Variants in SNTG2 observed in about 807,000 individuals in gnomAD.
The protein encoded by SNTG2 is gamma-2-syntrophin.
In SNTG2, 74 loss-of-function variants were observed where a neutral mutation model predicts 70.9. The ratio of observed to expected loss-of-function variants is 1.04; its 90% CI spans 0.86 to 1.27. The LOEUF (loss-of-function observed/expected upper bound fraction) is 1.27, where lower values mean the gene tolerates loss of function less well. Among genes scored for constraint, SNTG2 ranks in the 50% most tolerant of loss-of-function variants. The pLI, the probability that SNTG2 is intolerant of heterozygous loss-of-function variation, is 0.00. For synonymous variants in SNTG2, 278 were observed against 273.8 expected, an observed-to-expected ratio of 1.02 and a Z score of -0.15; for missense variants, 717 against 690.7, an observed-to-expected ratio of 1.04 and a Z score of -0.43.
At chr2:1,173,229 A>G in intron 8 of SNTG2, 46 bp downstream of exon 8, 1 of 1,496,194 alleles carries the variant, frequency 6.7e-7, no homozygotes. Context: ...CAGAAATATC[A>G]GTAGCCCAGA....
chr2:1,182,235 C>T (rs1666587510), intron 8 of SNTG2, among the ~76,000 whole-genome samples: 1 of 152,136 alleles, frequency 6.6e-6, no homozygotes, highest in Admixed American at 6.5e-5. Flanking sequence ...AGCTCTGCCC[C>T]TGCAAGTCTA....
chr2:994,418 C>G (rs1165388285), intron 1 of SNTG2, among the ~76,000 whole-genome samples: 2 of 152,046 alleles, frequency 1.3e-5, no homozygotes, highest in African/African-American at 4.8e-5. Flanking sequence ...CAGCACTGTA[C>G]TGCCTTGATT....
At chr2:1,204,482 T>C (rs1572718685) in intron 8 of SNTG2, among the ~76,000 whole-genome samples, 1 of 152,358 alleles carries the variant, frequency 6.6e-6, no homozygotes, top group South Asian at 2.1e-4. Flanking sequence ...TCAGTTTCAG[T>C]TACCTACAAT....
chr2:1,060,057 C>T (rs1354165102), intron 1 of SNTG2, among the ~76,000 whole-genome samples: 1 of 151,952 alleles, frequency 6.6e-6, no homozygotes, highest in Non-Finnish European at 1.5e-5. Context: ...TTATCCCTAC[C>T]TTACATCATA....
At chr2:1,034,902 A>G (rs1661048591) in intron 1 of SNTG2, among the ~76,000 whole-genome samples, 1 of 152,216 alleles carries the variant, frequency 6.6e-6, no homozygotes, top group Admixed American at 6.5e-5. Flanking sequence ...CCACCCAACC[A>G]CAATAGAATA....
intron 1 of SNTG2, among the ~76,000 whole-genome samples, chr2:1,026,966 G>A (rs1403636259): frequency 6.6e-6 from 1 of 152,202 alleles, no homozygotes; most frequent in Non-Finnish European, 1.5e-5. Context: ...AGCAGACAGA[G>A]TGGTTCTTCC....
chr2:1,283,326 G>C (rs972493695), intron 14 of SNTG2, among the ~76,000 whole-genome samples: 3 of 152,168 alleles, frequency 2.0e-5, no homozygotes, highest in Non-Finnish European at 4.4e-5. Context: ...GGCTGCTTGG[G>C]ACCGGGGTGC....
chr2:1,086,749 T>G (rs1420593546), intron 2 of SNTG2, among the ~76,000 whole-genome samples: 4 of 152,204 alleles, frequency 2.6e-5, no homozygotes, highest in Non-Finnish European at 5.9e-5. Context: ...TATAAAGTAC[T>G]TGGATTTATT....
At chr2:1,293,887 G>A (rs1364687152) in intron 14 of SNTG2, among the ~76,000 whole-genome samples, 1 of 152,154 alleles carries the variant, frequency 6.6e-6, no homozygotes, top group Non-Finnish European at 1.5e-5. Context: ...CTTTGATGCT[G>A]TAATAGTGCC....
chr2:1,029,543 C>T (rs1660694615), intron 1 of SNTG2, among the ~76,000 whole-genome samples: 1 of 152,232 alleles, frequency 6.6e-6, no homozygotes, highest in South Asian at 2.1e-4. Context: ...GAAGTTTCCG[C>T]TAATCAGCAA....
chr2:1,053,470 C>A (rs1417509770), intron 1 of SNTG2, among the ~76,000 whole-genome samples: 2 of 124,146 alleles, frequency 1.6e-5, no homozygotes, highest in Non-Finnish European at 3.4e-5. Flanking sequence ...ATCACTCCAT[C>A]CCCCCCCACC....
intron 1 of SNTG2, among the ~76,000 whole-genome samples, chr2:993,231 C>T (rs541782900): frequency 8.2e-5 from 11 of 134,770 alleles, no homozygotes; most frequent in African/African-American, 1.9e-4. Flanking sequence ...CCCCCTCCCC[C>T]GACCCCACCA....
chr2:1,016,171 T>TA (rs35778031), intron 1 of SNTG2, among the ~76,000 whole-genome samples: 5,674 of 148,996 alleles, frequency 0.038, 158 homozygotes, highest in Non-Finnish European at 0.062. Context: ...TTCCTGTAAT[T>TA]AAAAAAAAAA....
chr2:1,075,491 G>T (rs1367981604), intron 1 of SNTG2, among the ~76,000 whole-genome samples: 1 of 152,192 alleles, frequency 6.6e-6, no homozygotes, highest in Non-Finnish European at 1.5e-5. Flanking sequence ...GAAAGTGTTT[G>T]TCATTGTTCA....
chr2:988,495 C>T (rs752631487), intron 1 of SNTG2, among the ~76,000 whole-genome samples: 8 of 152,128 alleles, frequency 5.3e-5, no homozygotes, highest in Non-Finnish European at 1.2e-4. Context: ...CCAAAACTCA[C>T]CCGTGAGGAT....
intron 1 of SNTG2, among the ~76,000 whole-genome samples, chr2:1,019,836 G>T (rs1306978539): frequency 6.6e-6 from 1 of 152,022 alleles, no homozygotes; most frequent in Non-Finnish European, 1.5e-5. Flanking sequence ...ATCACCTGAG[G>T]TCAGGAGACT....
chr2:1,100,445 T>G (rs1289383772), intron 4 of SNTG2, among the ~76,000 whole-genome samples: 1 of 152,210 alleles, frequency 6.6e-6, no homozygotes, highest in Non-Finnish European at 1.5e-5. Flanking sequence ...GCACCCAGCC[T>G]CTTTTTGAGG....
intron 16 of SNTG2, among the ~76,000 whole-genome samples, chr2:1,360,641 C>T (rs1043577060): frequency 1.2e-5 from 1 of 82,108 alleles, no homozygotes; most frequent in African/African-American, 4.3e-5. Flanking sequence ...TTCTTAAAAA[C>T]ACAAACAAAC....
chr2:1,290,842 T>C (rs1679962440), intron 14 of SNTG2, among the ~76,000 whole-genome samples: 1 of 152,208 alleles, frequency 6.6e-6, no homozygotes, highest in Non-Finnish European at 1.5e-5. Flanking sequence ...CTTTCAGTTA[T>C]TCTGGGTGTA....
Sources: gnomAD v4.1 joint callset for allele counts (sites outside exome capture counted in the v4.1 genomes callset) on GRCh38, gnomAD v4.1.1 for gene constraint, MANE v1.5 for transcripts, NCBI Gene and HGNC (gene_info 2026-07-23, HGNC 2026-07-21) for gene names.